Variants in IL1RAPL1 observed in about 807,000 individuals in gnomAD.
The protein encoded by IL1RAPL1 is interleukin 1 receptor accessory protein like 1.
A neutral mutation model predicts 48.4 loss-of-function variants in IL1RAPL1; 3 were observed. That is an observed-to-expected ratio of 0.06 (90% CI 0.03 to 0.16). The LOEUF (loss-of-function observed/expected upper bound fraction) is 0.16. Ranked by LOEUF, IL1RAPL1 falls within the 10% of genes least tolerant of loss-of-function variation. IL1RAPL1 has a pLI of 1.00. For synonymous variants in IL1RAPL1, 185 were observed against 187.7 expected (o/e 0.99, Z 0.12); for missense variants, 349 against 530.6 (o/e 0.66, Z 3.36).
At chrX:28,986,903 C>T (rs980306976) in intron 2 of IL1RAPL1, among the ~76,000 whole-genome samples, 1 of 111,824 alleles carries the variant, frequency 8.9e-6, no homozygotes, top group Non-Finnish European at 1.9e-5. Context: ...AAGAGCCACT[C>T]CGTGATGTAA....
chrX:28,764,778 A>C (rs1164992848), intron 1 of IL1RAPL1, among the ~76,000 whole-genome samples: 3 of 110,562 alleles, frequency 2.7e-5, no homozygotes, highest in Non-Finnish European at 5.7e-5. Context: ...AGGTTATTGC[A>C]TAAAATTCAT....
intron 5 of IL1RAPL1, among the ~76,000 whole-genome samples, chrX:29,473,777 C>T (rs1006365086): frequency 9.0e-6 from 1 of 111,102 alleles, no homozygotes; most frequent in Non-Finnish European, 1.9e-5. Flanking sequence ...CGTAATTGTA[C>T]ATCCATTACA....
At chrX:29,683,437 C>T (rs1376954145) in intron 6 of IL1RAPL1, among the ~76,000 whole-genome samples, 9 of 112,129 alleles carry the variant, frequency 8.0e-5, no homozygotes, top group African/African-American at 2.6e-4. Flanking sequence ...TACAGCTTTC[C>T]TTGATTAGTG....
At chrX:28,684,117 AC>A (rs984641194) in intron 1 of IL1RAPL1, among the ~76,000 whole-genome samples, 2 of 110,882 alleles carry the variant, frequency 1.8e-5, no homozygotes, top group African/African-American at 6.6e-5. Context: ...CAAATTATAT[AC>A]CCCCTCTTCT....
intron 2 of IL1RAPL1, among the ~76,000 whole-genome samples, chrX:28,819,192 A>G (rs905059768): frequency 9.0e-6 from 1 of 110,885 alleles, no homozygotes; most frequent in African/African-American, 3.3e-5. Context: ...TATTCCCTTA[A>G]AGAAGTATAG....
intron 3 of IL1RAPL1, among the ~76,000 whole-genome samples, chrX:29,339,973 G>C (rs748556892): frequency 4.9e-4 from 55 of 111,610 alleles, no homozygotes; most frequent in African/African-American, 1.7e-3. Flanking sequence ...TAAGGTCAGA[G>C]ACTTGTCAGT....
At chrX:29,582,222 C>T (rs1922986082) in intron 5 of IL1RAPL1, among the ~76,000 whole-genome samples, 1 of 110,661 alleles carries the variant, frequency 9.0e-6, no homozygotes, top group Non-Finnish European at 1.9e-5. Context: ...CTGGGTAAAC[C>T]CCAAGTTATA....
intron 6 of IL1RAPL1, among the ~76,000 whole-genome samples, chrX:29,837,268 A>AT: frequency 1.9e-5 from 1 of 51,593 alleles, no homozygotes; most frequent in Non-Finnish European, 3.4e-5. Flanking sequence ...CAAAAAAAAA[A>AT]AAAAATATAT....
At chrX:29,752,109 CAT>C (rs1216932910) in intron 6 of IL1RAPL1, among the ~76,000 whole-genome samples, 1 of 88,694 alleles carries the variant, frequency 1.1e-5, no homozygotes, top group African/African-American at 4.1e-5. Flanking sequence ...TATATACACA[CAT>C]ATATATATTA....
At chrX:29,628,307 A>G (rs1348905807) in intron 5 of IL1RAPL1, among the ~76,000 whole-genome samples, 4 of 112,038 alleles carry the variant, frequency 3.6e-5, no homozygotes, top group Admixed American at 1.9e-4. Flanking sequence ...TATTAATAGG[A>G]TGGCCATCAG....
chrX:29,944,285 A>G (rs1933180423), intron 9 of IL1RAPL1, among the ~76,000 whole-genome samples: 2 of 111,490 alleles, frequency 1.8e-5, no homozygotes, highest in Non-Finnish European at 3.8e-5. Context: ...CCGCAATCAC[A>G]TGTTCAGCCT....
At chrX:29,343,274 T>C (rs185750128) in intron 3 of IL1RAPL1, among the ~76,000 whole-genome samples, 19 of 112,180 alleles carry the variant, frequency 1.7e-4, no homozygotes, top group Non-Finnish European at 3.8e-5. Flanking sequence ...TGCTTTCTTG[T>C]ATTTATTTTC....
At chrX:29,515,789 C>T (rs1020845478) in intron 5 of IL1RAPL1, among the ~76,000 whole-genome samples, 18 of 111,176 alleles carry the variant, frequency 1.6e-4, no homozygotes, top group Non-Finnish European at 3.4e-4. Context: ...TGGATTCAAG[C>T]GATCCTCCTA....
intron 1 of IL1RAPL1, among the ~76,000 whole-genome samples, chrX:28,722,207 T>G: frequency 8.9e-6 from 1 of 111,881 alleles, no homozygotes. Flanking sequence ...TTTCATGATA[T>G]TAATTCTTCC....
intron 2 of IL1RAPL1, among the ~76,000 whole-genome samples, chrX:29,141,362 A>G (rs769497979): frequency 9.0e-6 from 1 of 111,706 alleles, no homozygotes; most frequent in Non-Finnish European, 1.9e-5. Flanking sequence ...ACTTACAAAC[A>G]TGAGTCCTAA....
intron 1 of IL1RAPL1, among the ~76,000 whole-genome samples, chrX:28,734,926 A>G (rs1353729980): frequency 8.9e-6 from 1 of 112,194 alleles, no homozygotes; most frequent in Non-Finnish European, 1.9e-5. Context: ...CCTGCATGAT[A>G]TAGGCAGTGA....
intron 5 of IL1RAPL1, among the ~76,000 whole-genome samples, chrX:29,461,476 G>A (rs989684707): frequency 1.1e-4 from 12 of 111,057 alleles, no homozygotes; most frequent in Non-Finnish European, 1.9e-4. Context: ...TATATATGTG[G>A]AAATATATGT....
intron 3 of IL1RAPL1, among the ~76,000 whole-genome samples, chrX:29,302,775 A>C (rs1277446674): frequency 8.9e-6 from 1 of 111,884 alleles, no homozygotes; most frequent in Non-Finnish European, 1.9e-5. Context: ...GGAGAGTAGC[A>C]TCTAACTACA....
At chrX:29,057,914 A>G (rs1927256729) in intron 2 of IL1RAPL1, among the ~76,000 whole-genome samples, 1 of 111,753 alleles carries the variant, frequency 8.9e-6, no homozygotes, top group South Asian at 3.7e-4. Flanking sequence ...TTACCTGATC[A>G]TTCTCAAAAC....
Sources: gnomAD v4.1 joint callset for allele counts (sites outside exome capture counted in the v4.1 genomes callset) on GRCh38, gnomAD v4.1.1 for gene constraint, MANE v1.5 for transcripts, NCBI Gene and HGNC (gene_info 2026-07-23, HGNC 2026-07-21) for gene names.